The following BRWD1 variants were observed in gnomAD, a reference collection of about 807,000 sequenced individuals.
BRWD1 encodes the protein bromodomain and WD repeat domain containing 1.
BRWD1 carries 82 observed loss-of-function variants against 251.2 expected under a neutral mutation model. The ratio of observed to expected loss-of-function variants is 0.33; its 90% CI spans 0.27 to 0.39. The LOEUF is 0.39. Ranked by LOEUF, BRWD1 falls within the 10% of genes least tolerant of loss-of-function variation. The probability of loss-of-function intolerance (pLI) is 1.00; values close to 1 mark genes in which losing one functional copy is unlikely to be tolerated. For missense variants in BRWD1, 2,233 were observed against 2,711.6 expected (o/e 0.82, Z 3.92); for synonymous variants, 918 against 902.8 (o/e 1.02, Z -0.30).
chr21:39,277,196 T>C, intron 11 of BRWD1, 55 bp downstream of exon 11: 2 of 1,296,084 alleles, frequency 1.5e-6, no homozygotes, highest in South Asian at 2.8e-5. Context: ...CCCTTAGCAA[T>C]AACAGGAATA....
upstream of BRWD1, among the ~76,000 whole-genome samples, chr21:39,317,658 C>T (rs144745463): frequency 0.014 from 2,168 of 152,346 alleles, 27 homozygotes; most frequent in Non-Finnish European, 0.023. Context: ...GCACAGCTAG[C>T]GCATCAGAGA....
chr21:39,236,492 C>A (rs1304358155), intron 23 of BRWD1, 103 bp downstream of exon 23: 3 of 1,083,382 alleles, frequency 2.8e-6, no homozygotes, highest in East Asian at 2.6e-5. Context: ...ACACCCAAGG[C>A]ACCACTATGC....
rs2031487462 is a variant in BRWD1, at chr21:39,190,329, C to T, written c.*5930G>A. ...ATTCAAAGTAAACTGCATATGGTTA[C>T]TACAGAAGCATTATAAAATTTTCAT... On this transcript the variant is annotated 3_prime_UTR_variant, in exon 41 of 41. Transcript: ENST00000342449. 2 of 984,904 alleles carry T rather than the reference C, an allele frequency of 2.0e-6. No homozygotes were observed. The highest frequency in any genetic ancestry group is 1.7e-5 in the African/African-American group (1 of 57,296). 61.0% of individuals were successfully genotyped at this position (984,904 alleles called of 1,614,324 possible).
At chr21:39,216,121 G>A (rs940720361) in intron 31 of BRWD1, among the ~76,000 whole-genome samples, 3 of 152,092 alleles carry the variant, frequency 2.0e-5, no homozygotes, top group African/African-American at 7.2e-5. Context: ...TCGATAATGT[G>A]GACTCAAGAT....
At chr21:39,207,145 T>G (rs1377606159) in intron 36 of BRWD1, among the ~76,000 whole-genome samples, 1 of 152,150 alleles carries the variant, frequency 6.6e-6, no homozygotes, top group Non-Finnish European at 1.5e-5. Context: ...TATATATAAA[T>G]TTTATTCTGC....
At chr21:39,292,602 A>G (rs1253449912) in intron 8 of BRWD1, among the ~76,000 whole-genome samples, 1 of 152,206 alleles carries the variant, frequency 6.6e-6, no homozygotes, top group Non-Finnish European at 1.5e-5. Flanking sequence ...TGCACATTAA[A>G]GAGAACCACT....
chr21:39,287,492 G>A (rs1601466387), intron 8 of BRWD1, among the ~76,000 whole-genome samples: 1 of 152,056 alleles, frequency 6.6e-6, no homozygotes, highest in South Asian at 2.1e-4. Context: ...AGTCAATTCA[G>A]ATTTTCTTTT....
At chr21:39,197,585 G>A (rs8128734) in intron 40 of BRWD1, among the ~76,000 whole-genome samples, 170 bp from the exon 41 acceptor site, 45,698 of 152,100 alleles carry the variant, frequency 0.3, 7,341 homozygotes, top group Middle Eastern at 0.35. Context: ...GCAAGGATAC[G>A]TTCTGAGAAA....
rs143516092 is a variant in BRWD1, at chr21:39,255,032, G to A, written c.2255+613C>T. 3.0e-3 allele frequency among the ~76,000 whole-genome samples: 453 copies of A among 152,096 alleles called. 6 individuals are homozygous for A. Among genetic ancestry groups the A allele is most frequent in the African/African-American group, 0.011 (439 of 41,492 alleles). On this transcript the variant is annotated intron_variant, in intron 19 of 40. Transcript: ENST00000342449. ...TATCTTTAGAAATACACACTTATACGCTTATGGACAAAAATAATATTACAT... is the reference window on the plus strand; with the variant it reads ...TATCTTTAGAAATACACACTTATACACTTATGGACAAAAATAATATTACAT...
intron 14 of BRWD1, 100 bp downstream of exon 14, chr21:39,270,182 AT>A: frequency 8.0e-7 from 1 of 1,252,828 alleles, no homozygotes; most frequent in Admixed American, 3.1e-5. Flanking sequence ...CATAGTTTAC[AT>A]GAGAGAAACA....
In BRWD1 at chr21:39,309,385, G is replaced by C. The variant is rs867477524; in HGVS notation, c.198+3456C>G. On this transcript the variant is annotated intron_variant, in intron 4 of 40. Coordinates refer to ENST00000342449, the MANE Select transcript of BRWD1 (RefSeq NM_033656.4). ...AGGTGGGAAGATTGCTTGAGCCTGG[G>C]AAATGGAGGCTTCAGTGAGCTGTGA... Among the ~76,000 whole-genome samples, 5 of 151,862 alleles carry C rather than the reference G, an allele frequency of 3.3e-5. No homozygotes were observed. The South Asian group carries it at 1.0e-3, about 32-fold the overall frequency.
In BRWD1 at chr21:39,281,997, T is replaced by C. The variant is rs1031590265; in HGVS notation, c.832-1749A>G. Among the ~76,000 whole-genome samples, 108 of 151,674 alleles carry C rather than the reference T, an allele frequency of 7.1e-4. 1 individual carries two copies. Among genetic ancestry groups the C allele is most frequent in the Non-Finnish European group, 1.9e-4 (13 of 67,916 alleles). ...AAATACATGTATATAAATATGTATATATACACATATGTCAACATATACGTC... is the reference window on the plus strand; with the variant it reads ...AAATACATGTATATAAATATGTATACATACACATATGTCAACATATACGTC... On this transcript the variant is annotated intron_variant, in intron 8 of 40. Transcript: ENST00000342449.
At chr21:39,226,435 A>G (rs540919744) in intron 27 of BRWD1, among the ~76,000 whole-genome samples, 11 of 152,294 alleles carry the variant, frequency 7.2e-5, no homozygotes, top group African/African-American at 2.6e-4. Flanking sequence ...ATAAAACAAA[A>G]ACCACTAAAT....
At position 39,295,922 on chromosome 21, in the gene BRWD1, G is replaced by C. The variant is rs755882107; in HGVS notation, c.449-19C>G. 12 of 1,564,576 alleles carry C rather than the reference G, an allele frequency of 7.7e-6. No individual in the cohort carries two copies. Among genetic ancestry groups the C allele is most frequent in the Non-Finnish European group, 9.5e-6 (11 of 1,153,652 alleles). On this transcript the variant is annotated intron_variant, in intron 6 of 40. Coordinates refer to ENST00000342449, the MANE Select transcript of BRWD1 (RefSeq NM_033656.4). Reference sequence around the variant, plus strand: ...ATCTCCACTAGGAAATAAAAACAATGAAAATGGTTAAGGGAGAGCCAATAA... The same window carrying C: ...ATCTCCACTAGGAAATAAAAACAATCAAAATGGTTAAGGGAGAGCCAATAA...
upstream of BRWD1, chr21:39,313,997 G>A: frequency 2.3e-6 from 1 of 429,068 alleles, no homozygotes. Flanking sequence ...CGCCCCCCGT[G>A]GGACCTGGGT....
chr21:39,295,409 G>A (rs142158401), intron 7 of BRWD1, among the ~76,000 whole-genome samples: 2,290 of 151,876 alleles, frequency 0.015, 53 homozygotes, highest in African/African-American at 0.052. Flanking sequence ...GGATGGTCTC[G>A]ATCTCCTGAC....
rs1224354279 is a variant in BRWD1 at position 39,190,259 on chromosome 21, TAC to T, written c.*5998_*5999del. On this transcript the variant is annotated 3_prime_UTR_variant, in exon 41 of 41. Transcript: ENST00000342449. ...TTTTTAATTTTTAAGCTACCTTATT[TAC>T]AGATTCTGCACAATATTTCATCATA... The T allele has an allele frequency of 9.2e-6, 9 of 983,402 alleles. No individual in the cohort carries two copies. Among genetic ancestry groups the T allele is most frequent in the East Asian group, 1.1e-4 (1 of 8,822 alleles). The allele number at this position is 983,402 out of a possible 1,614,324, so 60.9% of individuals were successfully genotyped here.
intron 36 of BRWD1, among the ~76,000 whole-genome samples, chr21:39,209,345 T>C (rs767355583): frequency 1.9e-4 from 29 of 152,042 alleles, no homozygotes; most frequent in Non-Finnish European, 3.1e-4. Flanking sequence ...GGAGTCAGAT[T>C]TGAAATTCAC....
At position 39,311,383 on chromosome 21, in the gene BRWD1, G is replaced by A. The variant is rs564808507; in HGVS notation, c.198+1458C>T. Among the ~76,000 whole-genome samples, 58 of 152,162 alleles carry A rather than the reference G, an allele frequency of 3.8e-4. No individual in the cohort carries two copies. In the South Asian group the frequency reaches 7.5e-3, roughly 20 times the overall value. ...GAGACAAGAGTTGGTCTGAACTCCT[G>A]GCCTCAAGTGATCCTCCCACCTCGG... On this transcript the variant is annotated intron_variant, in intron 4 of 40. Coordinates refer to ENST00000342449, the MANE Select transcript of BRWD1 (RefSeq NM_033656.4).
Sources: gnomAD v4.1 joint callset for allele counts (sites outside exome capture counted in the v4.1 genomes callset) on GRCh38, gnomAD v4.1.1 for gene constraint, MANE v1.5 for transcripts, NCBI Gene and HGNC (gene_info 2026-07-23, HGNC 2026-07-21) for gene names.